Variants in SLC43A2 observed in about 807,000 individuals in gnomAD.
SLC43A2 encodes large neutral amino acids transporter small subunit 4.
In SLC43A2, 38 loss-of-function variants were observed where a neutral mutation model predicts 63.2. The observed-to-expected ratio is 0.60, with a 90% CI of 0.46 to 0.79. The LOEUF is 0.79. Ranked by LOEUF, SLC43A2 falls within the 30% of genes least tolerant of loss-of-function variation. The pLI is 0.00. For missense variants in SLC43A2, 644 were observed against 756.2 expected, an observed-to-expected ratio of 0.85 and a Z score of 1.74; for synonymous variants, 322 against 331.0, an observed-to-expected ratio of 0.97 and a Z score of 0.30.
At chr17:1,591,739 G>GGC in intron 6 of SLC43A2, 40 bp from the exon 7 acceptor site, 27 of 512,284 alleles carry the variant, frequency 5.3e-5, no homozygotes, top group East Asian at 8.1e-5. Flanking sequence ...GGGGGAGGGG[G>GGC]CAGAGTTAGC....
chr17:1,618,529 C>T (rs1907882788), intron 2 of SLC43A2, among the ~76,000 whole-genome samples: 1 of 152,236 alleles, frequency 6.6e-6, no homozygotes, highest in Non-Finnish European at 1.5e-5. Flanking sequence ...GATGCAGTGG[C>T]TGTGGGGAGC....
At chr17:1,604,582 C>T (rs375103838) in intron 5 of SLC43A2, 13 of 727,630 alleles carry the variant, frequency 1.8e-5, no homozygotes, top group South Asian at 1.2e-4. Context: ...CAACACAGCA[C>T]GCTATTGTGC....
intron 1 of SLC43A2, chr17:1,628,203 A>C (rs955781861): frequency 6.8e-5 from 16 of 233,770 alleles, no homozygotes; most frequent in African/African-American, 3.0e-4. Flanking sequence ...CATGGAGGCA[A>C]GAAGGGGCTA....
intron 2 of SLC43A2, among the ~76,000 whole-genome samples, chr17:1,625,696 G>A (rs1464036583): frequency 3.9e-5 from 6 of 152,144 alleles, no homozygotes. Flanking sequence ...CAGCCTTCCC[G>A]CCCAGAACGT....
chr17:1,590,441 C>G (rs1904636097), intron 9 of SLC43A2, among the ~76,000 whole-genome samples: 3 of 152,278 alleles, frequency 2.0e-5, no homozygotes, highest in Non-Finnish European at 4.4e-5. Context: ...TCTGGGAGGA[C>G]TTTGGGCTTG....
Position 1,606,935 on chromosome 17 carries a change from C to T in SLC43A2, c.501+6260G>A, listed in dbSNP as rs563504534. On this transcript the variant is annotated intron_variant, in intron 5 of 13. Transcript: ENST00000301335. This position sits in a 1 kb window ranked among gnomAD's most constrained non-coding sequence, Gnocchi z 4.7. ...GGGAGGGAAATACCACCATGGGTGC[C>T]GACCTCTTGGGCTCTGGAAGGATGG... is the stretch of plus-strand genomic sequence containing the variant. 5.9e-5 allele frequency among the ~76,000 whole-genome samples: 9 copies of T among 152,342 alleles called. No homozygotes were observed. In the East Asian group the frequency reaches 1.4e-3, roughly 23 times the overall value.
chr17:1,601,033 AGC>A (rs1255088699), intron 5 of SLC43A2, among the ~76,000 whole-genome samples: 4 of 150,684 alleles, frequency 2.7e-5, no homozygotes, highest in African/African-American at 4.9e-5. Context: ...TTGTTGTGGT[AGC>A]GACTGATTTT....
chr17:1,599,602 G>A (rs1180550512), intron 5 of SLC43A2, among the ~76,000 whole-genome samples: 1 of 151,654 alleles, frequency 6.6e-6, no homozygotes. Context: ...TTGGGAGGCT[G>A]AAGCAGCAGA....
intron 3 of SLC43A2, among the ~76,000 whole-genome samples, chr17:1,615,666 A>T (rs1250770524): frequency 6.7e-6 from 1 of 148,810 alleles, no homozygotes; most frequent in East Asian, 2.0e-4. Context: ...ACACAGTGAA[A>T]CCCCGTCTCT....
intron 5 of SLC43A2, among the ~76,000 whole-genome samples, chr17:1,607,850 G>C (rs886393565): frequency 6.6e-6 from 1 of 151,958 alleles, no homozygotes; most frequent in Non-Finnish European, 1.5e-5. Context: ...TGAGTCGTGG[G>C]GACTACAGGC....
At chr17:1,603,509 G>A (rs979507737) in intron 5 of SLC43A2, among the ~76,000 whole-genome samples, 1 of 152,066 alleles carries the variant, frequency 6.6e-6, no homozygotes, top group Non-Finnish European at 1.5e-5. Flanking sequence ...ATGAGGCCGG[G>A]CGCGGTGGCT....
At chr17:1,618,343 G>A (rs1907863877) in intron 2 of SLC43A2, among the ~76,000 whole-genome samples, 3 of 152,246 alleles carry the variant, frequency 2.0e-5, no homozygotes, top group Admixed American at 1.3e-4. Flanking sequence ...ACCTCCTAGA[G>A]TGTGGGGGAA....
At chr17:1,585,756 T>G (rs773057405) in intron 10 of SLC43A2, 157 bp downstream of exon 10, 1 of 1,587,772 alleles carries the variant, frequency 6.3e-7, no homozygotes, top group Non-Finnish European at 8.5e-7. Flanking sequence ...AAACGCATGC[T>G]GAGCTGAATG....
chr17:1,590,180 T>G (rs1484697371), intron 9 of SLC43A2, among the ~76,000 whole-genome samples: 1 of 152,210 alleles, frequency 6.6e-6, no homozygotes, highest in Non-Finnish European at 1.5e-5. Context: ...GGGGAAGTCC[T>G]GACTTTCTCT....
In SLC43A2 at chr17:1,604,911, G is replaced by A. The variant is rs1287722543; in HGVS notation, c.501+8284C>T. On this transcript the variant is annotated intron_variant, in intron 5 of 13. Coordinates refer to ENST00000301335, the MANE Select transcript of SLC43A2 (RefSeq NM_152346.3). ...CCCTGCCTCCACCGGTCTCAGCTGC[G>A]CATAATGGCTGTTCGAAGCCGCGGT... The A allele has an allele frequency of 7.8e-6, 12 of 1,531,016 alleles. No homozygotes were observed. The East Asian group carries it at 1.5e-4, about 19-fold the overall frequency. 94.8% of individuals were successfully genotyped at this position (1,531,016 alleles called of 1,614,324 possible).
At chr17:1,608,245 G>A (rs1206065625) in intron 5 of SLC43A2, among the ~76,000 whole-genome samples, 2 of 152,160 alleles carry the variant, frequency 1.3e-5, no homozygotes, top group East Asian at 3.8e-4. Flanking sequence ...CAAACCAACA[G>A]CCTCCCTTAG....
In SLC43A2 at chr17:1,586,044, G is replaced by A. The variant is rs199753823; in HGVS notation, c.1086C>T (p.Leu362=). 1 of 1,594,566 alleles carries A rather than the reference G, an allele frequency of 6.3e-7. No individual in the cohort carries two copies. The highest frequency in any genetic ancestry group is 2.3e-5 in the East Asian group (1 of 43,854). The change falls in exon 10 of 14, where the codon CTC becomes CTT. Residue 362 remains leucine, a synonymous_variant. Transcript: ENST00000301335. The stretch of plus-strand genomic sequence containing the variant: ...GGAGCACGCCGAAGATGGAGGTGTA[G>A]AGGCCAACTGTGGAGGAAGGCGCTG... ...LVSGDQKTVG[L]YTSIFGVLQL...
chr17:1,616,429 T>C, intron 3 of SLC43A2, 133 bp downstream of exon 3: 1 of 846,760 alleles, frequency 1.2e-6, no homozygotes, highest in East Asian at 2.7e-5. Flanking sequence ...GGGTAGGAAC[T>C]CCATTCTGGA....
intron 3 of SLC43A2, among the ~76,000 whole-genome samples, chr17:1,616,156 C>T (rs910259705): frequency 1.3e-5 from 2 of 151,176 alleles, no homozygotes; most frequent in Non-Finnish European, 2.9e-5. Context: ...TAAGGTCAAA[C>T]GGGCTGTGGA....
Sources: gnomAD v4.1 joint callset for allele counts (sites outside exome capture counted in the v4.1 genomes callset) on GRCh38, gnomAD v4.1.1 for gene constraint, Gnocchi (gnomAD v3.1) non-coding constraint, MANE v1.5 for transcripts, NCBI Gene and HGNC (gene_info 2026-07-23, HGNC 2026-07-21) for gene names.